FAR2: variants seen among roughly 807,000 people sequenced by gnomAD.
FAR2 encodes epididymis secretory protein Li 81.
FAR2 carries 19 observed loss-of-function variants against 56.0 expected under a neutral mutation model. The observed-to-expected ratio is 0.34, with a 90% confidence interval of 0.24 to 0.50. The LOEUF (loss-of-function observed/expected upper bound fraction) is 0.50. Ranked by LOEUF, FAR2 falls within the 20% of genes least tolerant of loss-of-function variation. The pLI, the probability that FAR2 is intolerant of heterozygous loss-of-function variation, is 0.98. For synonymous variants in FAR2, 219 were observed against 218.8 expected, an observed-to-expected ratio of 1.00 and a Z score of -0.01; for missense variants, 508 against 642.2, an observed-to-expected ratio of 0.79 and a Z score of 2.26.
chr12:29,172,452 T>C (rs1201907202), intron 1 of FAR2, among the ~76,000 whole-genome samples: 3 of 152,180 alleles, frequency 2.0e-5, no homozygotes, highest in African/African-American at 7.2e-5. Context: ...ATTGGCCTGC[T>C]CCATTTTCTG....
chr12:29,327,774 C>A (rs1299694985), intron 10 of FAR2, among the ~76,000 whole-genome samples: 9 of 152,242 alleles, frequency 5.9e-5, no homozygotes, highest in Admixed American at 2.6e-4. Flanking sequence ...TAAAGACTTA[C>A]ACGTTAGACC....
At chr12:29,230,518 G>GATACCCAATTAA (rs1947841233) in intron 1 of FAR2, among the ~76,000 whole-genome samples, 1 of 152,090 alleles carries the variant, frequency 6.6e-6, no homozygotes, top group Non-Finnish European at 1.5e-5. Flanking sequence ...AACCCTTGGA[G>GATACCCAATTAA]AGTTTTAGCA....
intron 1 of FAR2, among the ~76,000 whole-genome samples, chr12:29,161,447 G>A (rs1222091253): frequency 6.6e-6 from 1 of 152,122 alleles, no homozygotes; most frequent in African/African-American, 2.4e-5. Flanking sequence ...TATTATGTTT[G>A]TGAGATCTTT....
At chr12:29,278,504 T>A (rs987268964) in intron 2 of FAR2, among the ~76,000 whole-genome samples, 18 of 147,454 alleles carry the variant, frequency 1.2e-4, no homozygotes, top group African/African-American at 4.8e-4. Flanking sequence ...CATGCCCAGC[T>A]ATTGTTTTTA....
intron 1 of FAR2, among the ~76,000 whole-genome samples, chr12:29,203,999 C>CAGAA (rs1947448602): frequency 2.3e-4 from 16 of 68,106 alleles, no homozygotes; most frequent in African/African-American, 1.0e-3. Context: ...GATTCCATCT[C>CAGAA]AAAAAAAAAA....
At chr12:29,287,318 C>A (rs1948894670) in intron 2 of FAR2, among the ~76,000 whole-genome samples, 1 of 152,218 alleles carries the variant, frequency 6.6e-6, no homozygotes, top group South Asian at 2.1e-4. Context: ...TTCGCTAAAG[C>A]ACTAAAAACG....
chr12:29,207,811 T>G (rs1947493044), intron 1 of FAR2, among the ~76,000 whole-genome samples: 1 of 152,348 alleles, frequency 6.6e-6, no homozygotes, highest in South Asian at 2.1e-4. Flanking sequence ...GATAAAATTC[T>G]GTTAGACCTT....
At chr12:29,303,430 A>G (rs1017037697) in intron 4 of FAR2, among the ~76,000 whole-genome samples, 1 of 152,150 alleles carries the variant, frequency 6.6e-6, no homozygotes, top group Non-Finnish European at 1.5e-5. Context: ...AGTTCTTAGA[A>G]GCTTTAATGG....
At chr12:29,189,640 A>T (rs2136605736) in intron 1 of FAR2, among the ~76,000 whole-genome samples, 1 of 152,342 alleles carries the variant, frequency 6.6e-6, no homozygotes, top group South Asian at 2.1e-4. Context: ...ACCAATATAT[A>T]TACACATATC....
intron 4 of FAR2, among the ~76,000 whole-genome samples, chr12:29,299,213 C>CAAAAAAA (rs71042981): frequency 5.8e-5 from 6 of 103,590 alleles, no homozygotes; most frequent in African/African-American, 2.3e-4. Context: ...AACTTTGTCT[C>CAAAAAAA]AAAAAAAAAA....
chr12:29,157,550 C>A (rs1949739958), intron 1 of FAR2, among the ~76,000 whole-genome samples: 1 of 152,132 alleles, frequency 6.6e-6, no homozygotes, highest in East Asian at 1.9e-4. Context: ...TCCATCTTAG[C>A]TGGGAAGCTG....
At chr12:29,253,118 G>C (rs562448496) in intron 1 of FAR2, among the ~76,000 whole-genome samples, 1 of 151,972 alleles carries the variant, frequency 6.6e-6, no homozygotes, top group African/African-American at 2.4e-5. Flanking sequence ...TTTTAAACTT[G>C]CCAAGCCTCC....
chr12:29,278,995 T>C (rs1411415229), intron 2 of FAR2, among the ~76,000 whole-genome samples: 1 of 152,210 alleles, frequency 6.6e-6, no homozygotes, highest in Admixed American at 6.5e-5. Context: ...TGTTTCATAT[T>C]AGTAAAAGCA....
chr12:29,332,396 C>G (rs1029720895), intron 10 of FAR2, among the ~76,000 whole-genome samples: 1 of 152,068 alleles, frequency 6.6e-6, no homozygotes, highest in Non-Finnish European at 1.5e-5. Flanking sequence ...GTGTTTGATC[C>G]ATGTTTAAAT....
At chr12:29,163,913 T>C (rs1409756979) in intron 1 of FAR2, among the ~76,000 whole-genome samples, 1 of 152,214 alleles carries the variant, frequency 6.6e-6, no homozygotes, top group Non-Finnish European at 1.5e-5. Context: ...ACTTGAATGT[T>C]CTGCATTTGG....
chr12:29,249,010 C>T (rs1417983462), intron 1 of FAR2, among the ~76,000 whole-genome samples: 1 of 152,136 alleles, frequency 6.6e-6, no homozygotes, highest in Non-Finnish European at 1.5e-5. Flanking sequence ...CTCAAACACA[C>T]ATGCTGTACA....
Position 29,221,815 on chromosome 12 carries a change from A to C in FAR2, c.-38-48597A>C, listed in dbSNP as rs564648710. Among the ~76,000 whole-genome samples, 16 of 152,212 alleles carry C rather than the reference A, an allele frequency of 1.1e-4. No homozygotes were observed. In the East Asian group the frequency reaches 3.1e-3, roughly 29 times the overall value. ...TATTTTTAATGGGAAATACAATTAC[A>C]GATGCTGCTCAGAGAATTGCTTCAA... On this transcript the variant is annotated intron_variant, in intron 1 of 11. Transcript: ENST00000536681.
intron 10 of FAR2, among the ~76,000 whole-genome samples, chr12:29,328,578 T>C (rs1949682650): frequency 6.6e-6 from 1 of 152,064 alleles, no homozygotes; most frequent in Non-Finnish European, 1.5e-5. Context: ...AAAAATGAGT[T>C]CATGTCCTTT....
chr12:29,317,190 G>A (rs1052759262), intron 9 of FAR2, among the ~76,000 whole-genome samples, 178 bp downstream of exon 9: 2 of 152,240 alleles, frequency 1.3e-5, no homozygotes, highest in East Asian at 1.9e-4. Context: ...AATCCAAAAC[G>A]TTTTGAGTGC....
Sources: gnomAD v4.1 joint callset for allele counts (sites outside exome capture counted in the v4.1 genomes callset) on GRCh38, gnomAD v4.1.1 for gene constraint, MANE v1.5 for transcripts, NCBI Gene and HGNC (gene_info 2026-07-23, HGNC 2026-07-21) for gene names.